Variants in VAT1L observed in about 807,000 individuals in gnomAD.
VAT1L encodes vesicle amine transport 1 like, also known as putative NADPH-dependent quinone oxidoreductase VAT1L.
VAT1L carries 34 observed loss-of-function variants against 44.1 expected under a neutral mutation model. The observed-to-expected ratio is 0.77, with a 90% CI of 0.59 to 1.03. The LOEUF (loss-of-function observed/expected upper bound fraction) is 1.03. Among genes scored for constraint, VAT1L ranks in the 50% least tolerant of loss-of-function variants. VAT1L has a pLI of 0.00. For synonymous variants in VAT1L, 253 were observed against 202.2 expected (o/e 1.25, Z -2.13); for missense variants, 615 against 538.8 (o/e 1.14, Z -1.40).
chr16:77,805,614 G>A (rs947536542), intron 1 of VAT1L, among the ~76,000 whole-genome samples: 1 of 152,042 alleles, frequency 6.6e-6, no homozygotes, highest in Non-Finnish European at 1.5e-5. Flanking sequence ...GCCCGGAGCT[G>A]GCAAAGGCTG....
chr16:77,919,225 AG>A (rs1410782382), intron 7 of VAT1L, among the ~76,000 whole-genome samples: 3 of 44,104 alleles, frequency 6.8e-5, no homozygotes, highest in African/African-American at 1.0e-4. Flanking sequence ...CTAGGTGTCC[AG>A]GGGAAAACAG....
chr16:77,942,799 CA>C (rs1198801674), intron 7 of VAT1L, among the ~76,000 whole-genome samples: 3 of 152,068 alleles, frequency 2.0e-5, no homozygotes, highest in Non-Finnish European at 2.9e-5. Context: ...GGCTAGAGTG[CA>C]GTGGCACAAT....
At chr16:77,848,466 TG>T (rs1220772755) in intron 3 of VAT1L, among the ~76,000 whole-genome samples, 1 of 152,172 alleles carries the variant, frequency 6.6e-6, no homozygotes, top group African/African-American at 2.4e-5. Context: ...GCCTGGTCCA[TG>T]ATCTTGCTGG....
intron 7 of VAT1L, among the ~76,000 whole-genome samples, chr16:77,955,358 G>C (rs1781054453): frequency 6.6e-6 from 1 of 152,160 alleles, no homozygotes. Context: ...ATCCTGCAGT[G>C]CCCAGGACAG....
chr16:77,865,926 C>A (rs2016969365), intron 4 of VAT1L, among the ~76,000 whole-genome samples: 4 of 152,172 alleles, frequency 2.6e-5, no homozygotes, highest in Admixed American at 2.6e-4. Context: ...TTCCACTGCC[C>A]TAGATCTACT....
In VAT1L at chr16:77,879,379, C is replaced by T. The variant is rs549221699; in HGVS notation, c.882+155C>T. Among the ~76,000 whole-genome samples the T allele has an allele frequency of 2.8e-4, 42 of 152,368 alleles. No individual in the cohort carries two copies. The highest frequency in any genetic ancestry group is 9.9e-4 in the African/African-American group (41 of 41,592). On this transcript the variant is annotated intron_variant, in intron 6 of 8. Coordinates refer to ENST00000302536, the MANE Select transcript of VAT1L (RefSeq NM_020927.3). This position sits in a 1 kb window ranked among gnomAD's most constrained non-coding sequence, Gnocchi z 4.1. ...GATCTCGGCTCATGGCAACCTCCGA[C>T]TCCCTGGTTCAAGCGATTCTCCTGC...
At chr16:77,833,624 G>GACACA (rs1272984204) in intron 3 of VAT1L, among the ~76,000 whole-genome samples, 30 of 152,172 alleles carry the variant, frequency 2.0e-4, no homozygotes, top group Non-Finnish European at 3.5e-4. Flanking sequence ...GGTGGCGTGT[G>GACACA]CCTGTAATCC....
intron 7 of VAT1L, among the ~76,000 whole-genome samples, chr16:77,902,935 T>C (rs1209738202): frequency 7.5e-6 from 1 of 132,914 alleles, no homozygotes; most frequent in East Asian, 2.2e-4. Context: ...ATGGAGCCAC[T>C]GCACTCCGGC....
intron 8 of VAT1L, 76 bp from the exon 9 acceptor site, chr16:77,977,521 T>C (rs773671142): frequency 1.2e-5 from 17 of 1,455,594 alleles, no homozygotes; most frequent in South Asian, 2.4e-5. Context: ...AGTCCTCCCA[T>C]AGGACTCTGT....
At position 77,862,730 on chromosome 16, in the gene VAT1L, A is replaced by G; in HGVS notation, c.580-18A>G. 1 of 1,610,712 alleles carries G rather than the reference A, an allele frequency of 6.2e-7. No homozygotes were observed. The highest frequency in any genetic ancestry group is 1.1e-5 in the South Asian group (1 of 90,494). On this transcript the variant is annotated intron_variant, in intron 3 of 8. Transcript: ENST00000302536. ...GGTGGCTCCTATGTGTGACATAGCT[A>G]TTGTCTTTTCCTTCCAGGGTCAAGC...
intron 1 of VAT1L, among the ~76,000 whole-genome samples, chr16:77,812,717 C>G (rs1231668942): frequency 1.3e-5 from 2 of 152,166 alleles, no homozygotes; most frequent in African/African-American, 2.4e-5. Context: ...CCCAATTTTC[C>G]TGTATCTTCC....
intron 8 of VAT1L, 132 bp from the exon 9 acceptor site, chr16:77,977,465 A>G (rs552479657): frequency 6.1e-6 from 5 of 815,876 alleles, no homozygotes; most frequent in African/African-American, 5.2e-5. Context: ...CTAATCCTGC[A>G]TTGCCTTCCA....
intron 7 of VAT1L, among the ~76,000 whole-genome samples, chr16:77,900,353 A>C (rs2017367226): frequency 6.6e-6 from 1 of 152,164 alleles, no homozygotes. Context: ...TATAGCAATT[A>C]AAATAAGCTA....
intron 7 of VAT1L, among the ~76,000 whole-genome samples, chr16:77,934,386 A>G (rs2017767901): frequency 6.6e-6 from 1 of 152,114 alleles, no homozygotes; most frequent in African/African-American, 2.4e-5. Flanking sequence ...AGGATTTTAC[A>G]GGTGTGATTA....
chr16:77,979,098 C>T lies in VAT1L; in HGVS notation c.*1403C>T, dbSNP rs1316851074. Reference sequence around the variant, plus strand: ...CTTAGGGTGGACCCAACCCTTTCCGCAAGTGGTAGGAACGAATGCATCTTA... The same window carrying T: ...CTTAGGGTGGACCCAACCCTTTCCGTAAGTGGTAGGAACGAATGCATCTTA... On this transcript the variant is annotated 3_prime_UTR_variant, in exon 9 of 9. Coordinates refer to ENST00000302536, the MANE Select transcript of VAT1L (RefSeq NM_020927.3). 8.5e-5 allele frequency: 13 copies of T among 152,618 alleles called. No homozygotes were observed. Among genetic ancestry groups the T allele is most frequent in the Admixed American group, 8.5e-4 (13 of 15,282 alleles). 9.5% of individuals were successfully genotyped at this position (152,618 alleles called of 1,614,324 possible). A position where few individuals can be genotyped will look rare whatever the true frequency, so the allele number is the denominator to read the frequency against.
chr16:77,941,092 A>G (rs1051909684), intron 7 of VAT1L, among the ~76,000 whole-genome samples: 2 of 152,130 alleles, frequency 1.3e-5, no homozygotes, highest in African/African-American at 4.8e-5. Context: ...TTTTTTTCCC[A>G]TTTATGGATG....
At chr16:77,897,688 T>G (rs1368966580) in intron 7 of VAT1L, among the ~76,000 whole-genome samples, 1 of 152,162 alleles carries the variant, frequency 6.6e-6, no homozygotes, top group East Asian at 1.9e-4. Context: ...TTGGCCAGGC[T>G]GGTCTCGAAC....
chr16:77,941,455 A>G (rs933666919), intron 7 of VAT1L, among the ~76,000 whole-genome samples: 28 of 152,346 alleles, frequency 1.8e-4, no homozygotes, highest in African/African-American at 6.3e-4. Flanking sequence ...GCTGATTTCA[A>G]GCTATCAACC....
rs1196253761 is a variant in VAT1L, at chr16:77,884,820, C to G, written c.1077+18C>G. 6.9e-7 allele frequency: 1 copy of G among 1,452,278 alleles called. No homozygotes were observed. Among genetic ancestry groups the G allele is most frequent in the Non-Finnish European group, 9.1e-7 (1 of 1,102,098 alleles). 90.0% of individuals were successfully genotyped at this position (1,452,278 alleles called of 1,614,324 possible). A position where few individuals can be genotyped will look rare whatever the true frequency, so the allele number is the denominator to read the frequency against. ...TGGAGGAGGTAAGAATGGTGCTTTT[C>G]TTCTGCAAATAAACTCCTCTTTTTA... On this transcript the variant is annotated intron_variant, in intron 7 of 8. Transcript: ENST00000302536. The surrounding 1 kb of genome is among the most constrained non-coding windows in gnomAD (Gnocchi z 4.5).
Sources: gnomAD v4.1 joint callset for allele counts (sites outside exome capture counted in the v4.1 genomes callset) on GRCh38, gnomAD v4.1.1 for gene constraint, Gnocchi (gnomAD v3.1) non-coding constraint, MANE v1.5 for transcripts, NCBI Gene and HGNC (gene_info 2026-07-23, HGNC 2026-07-21) for gene names.